Variants in RALGPS2 observed in about 807,000 individuals in gnomAD.
The protein encoded by RALGPS2 is ras-specific guanine nucleotide-releasing factor RalGPS2.
In RALGPS2, 43 loss-of-function variants were observed where a neutral mutation model predicts 86.8. That is an observed-to-expected ratio of 0.50 (90% CI 0.39 to 0.64). The LOEUF (loss-of-function observed/expected upper bound fraction) is 0.64, where lower values mean the gene tolerates loss of function less well. RALGPS2 is among the 30% of genes least tolerant of loss of function. The pLI, the probability that RALGPS2 is intolerant of heterozygous loss-of-function variation, is 0.00. For synonymous variants in RALGPS2, 243 were observed against 231.3 expected, an observed-to-expected ratio of 1.05 and a Z score of -0.46; for missense variants, 536 against 694.6, an observed-to-expected ratio of 0.77 and a Z score of 2.57.
intron 8 of RALGPS2, chr1:178,871,082 C>G (rs1026593270): frequency 3.9e-5 from 6 of 152,154 alleles, no homozygotes; most frequent in Non-Finnish European, 8.8e-5. Context: ...TACAGTACCC[C>G]TGAATAGTGA....
chr1:178,811,274 TA>T, intron 5 of RALGPS2, 40 bp from the exon 6 acceptor site: 1 of 1,439,102 alleles, frequency 6.9e-7, no homozygotes, highest in Non-Finnish European at 9.3e-7. Context: ...ACTTACAAAT[TA>T]AAAATCATAG....
intron 7 of RALGPS2, among the ~76,000 whole-genome samples, chr1:178,822,483 A>G (rs1655552280): frequency 6.6e-6 from 1 of 151,120 alleles, no homozygotes; most frequent in Non-Finnish European, 1.5e-5. Flanking sequence ...GGCTAAAATC[A>G]TGACTGACTT....
intron 8 of RALGPS2, among the ~76,000 whole-genome samples, chr1:178,857,752 C>T (rs982705880): frequency 1.3e-5 from 2 of 152,068 alleles, no homozygotes; most frequent in African/African-American, 4.8e-5. Context: ...TGACAGTTTA[C>T]ATTTAAGTAT....
chr1:178,759,960 TTA>T (rs1331108789), intron 1 of RALGPS2, among the ~76,000 whole-genome samples: 1 of 152,226 alleles, frequency 6.6e-6, no homozygotes. Flanking sequence ...TACTGAATGT[TTA>T]TCAGTCCTAA....
At chr1:178,777,159 A>G (rs2102106917) in intron 2 of RALGPS2, among the ~76,000 whole-genome samples, 1 of 136,630 alleles carries the variant, frequency 7.3e-6, no homozygotes, top group South Asian at 2.3e-4. Flanking sequence ...TGTCCATGTG[A>G]AATCTCCTTA....
At chr1:178,737,567 A>G (rs562238574) in intron 1 of RALGPS2, among the ~76,000 whole-genome samples, 12 of 152,168 alleles carry the variant, frequency 7.9e-5, no homozygotes, top group African/African-American at 2.9e-4. Flanking sequence ...TAATCAGATG[A>G]TCAATCTCTT....
chr1:178,765,274 T>G (rs1652442732), intron 1 of RALGPS2, among the ~76,000 whole-genome samples: 1 of 151,984 alleles, frequency 6.6e-6, no homozygotes, highest in Non-Finnish European at 1.5e-5. Context: ...CTATTTTCCC[T>G]AAATGTCGGC....
intron 13 of RALGPS2, among the ~76,000 whole-genome samples, chr1:178,887,313 C>T (rs1388070716): frequency 6.6e-6 from 1 of 151,918 alleles, no homozygotes; most frequent in Non-Finnish European, 1.5e-5. Context: ...AGTAGCAGGG[C>T]GTGGTGGTGC....
At position 178,812,122 on chromosome 1, in the gene RALGPS2, A is replaced by C. The variant is rs187448858; in HGVS notation, c.387+718A>C. ...GATTTATTACATGTGCATAGGAGTCATACAAAGTATAAACTCAAAGCAGGG... is the reference window on the plus strand; with the variant it reads ...GATTTATTACATGTGCATAGGAGTCCTACAAAGTATAAACTCAAAGCAGGG... On this transcript the variant is annotated intron_variant, in intron 6 of 19. Coordinates refer to ENST00000367635, the MANE Select transcript of RALGPS2 (RefSeq NM_152663.5). 5.3e-5 allele frequency among the ~76,000 whole-genome samples: 8 copies of C among 152,334 alleles called. No individual in the cohort carries two copies. The East Asian group carries it at 1.5e-3, about 29-fold the overall frequency.
chr1:178,779,703 C>T (rs1653285689), intron 2 of RALGPS2, among the ~76,000 whole-genome samples: 1 of 152,184 alleles, frequency 6.6e-6, no homozygotes, highest in African/African-American at 2.4e-5. Flanking sequence ...TTTCCATAGC[C>T]ATCTAAGTTT....
intron 13 of RALGPS2, among the ~76,000 whole-genome samples, chr1:178,889,365 T>A (rs1215249616): frequency 6.6e-6 from 1 of 152,086 alleles, no homozygotes; most frequent in Non-Finnish European, 1.5e-5. Context: ...TAGGAAAAAT[T>A]GTTTATTGAC....
intron 8 of RALGPS2, among the ~76,000 whole-genome samples, chr1:178,851,900 A>T (rs2102292933): frequency 6.6e-6 from 1 of 152,202 alleles, no homozygotes; most frequent in Non-Finnish European, 1.5e-5. Flanking sequence ...GGAGGGGAGG[A>T]GGGGATCTCT....
At chr1:178,817,902 C>T (rs1303337639) in intron 6 of RALGPS2, among the ~76,000 whole-genome samples, 1 of 152,198 alleles carries the variant, frequency 6.6e-6, no homozygotes, top group Non-Finnish European at 1.5e-5. Flanking sequence ...TTTGGTGCTA[C>T]ATATGCAGTC....
intron 1 of RALGPS2, among the ~76,000 whole-genome samples, chr1:178,767,323 A>G (rs1471471961): frequency 8.4e-6 from 1 of 119,012 alleles, no homozygotes; most frequent in Non-Finnish European, 1.7e-5. Context: ...ATGTGGGCTG[A>G]TATTTCTTCA....
At chr1:178,913,996 C>T (rs760675215) in intron 19 of RALGPS2, among the ~76,000 whole-genome samples, 6 of 152,136 alleles carry the variant, frequency 3.9e-5, no homozygotes, top group Non-Finnish European at 8.8e-5. Context: ...GACAGTCGCC[C>T]GCAAAAGCAT....
intron 4 of RALGPS2, among the ~76,000 whole-genome samples, chr1:178,788,790 C>T (rs1653791876): frequency 6.6e-6 from 1 of 150,984 alleles, no homozygotes. Context: ...TTTTTCTCTT[C>T]TCTTCTTTTC....
chr1:178,854,557 A>G (rs1488925043), intron 8 of RALGPS2, among the ~76,000 whole-genome samples: 2 of 152,152 alleles, frequency 1.3e-5, no homozygotes, highest in Non-Finnish European at 2.9e-5. Flanking sequence ...AGCATAAATG[A>G]GTATCTAAAG....
chr1:178,844,551 G>A (rs1424813047), intron 8 of RALGPS2, among the ~76,000 whole-genome samples: 1 of 152,104 alleles, frequency 6.6e-6, no homozygotes, highest in East Asian at 1.9e-4. Flanking sequence ...AGTCAGCTTG[G>A]ACAATATCGT....
intron 1 of RALGPS2, among the ~76,000 whole-genome samples, chr1:178,748,767 C>T (rs533345344): frequency 3.3e-5 from 5 of 150,338 alleles, no homozygotes; most frequent in Non-Finnish European, 5.9e-5. Flanking sequence ...GCAGCAGAAT[C>T]GCTTGAACAG....
Sources: gnomAD v4.1 joint callset for allele counts (sites outside exome capture counted in the v4.1 genomes callset) on GRCh38, gnomAD v4.1.1 for gene constraint, MANE v1.5 for transcripts, NCBI Gene and HGNC (gene_info 2026-07-23, HGNC 2026-07-21) for gene names.